The following FGF12 variants were observed in gnomAD, a reference collection of about 807,000 sequenced individuals.
The protein encoded by FGF12 is fibroblast growth factor 12, also known as fibroblast growth factor 12B.
Under a neutral mutation model 23.6 loss-of-function variants are expected in FGF12, and 14 were observed. That is an observed-to-expected ratio of 0.59 (90% CI 0.39 to 0.93). The LOEUF (loss-of-function observed/expected upper bound fraction) is 0.93, where lower values mean the gene tolerates loss of function less well. Ranked by LOEUF, FGF12 falls within the 40% of genes least tolerant of loss-of-function variation. The pLI is 0.00. For synonymous variants in FGF12, 62 were observed against 77.3 expected, an observed-to-expected ratio of 0.80 and a Z score of 1.04; for missense variants, 175 against 217.8, an observed-to-expected ratio of 0.80 and a Z score of 1.24.
At position 192,727,481 on chromosome 3, in the gene FGF12, T is replaced by TTA. The variant is rs1719263854; in HGVS notation, c.-131+2_-131+3insTA. 1.5e-6 allele frequency: 1 copy of TTA among 672,894 alleles called. No homozygotes were observed. The highest frequency in any genetic ancestry group is 1.8e-5 in the African/African-American group (1 of 54,674). 41.7% of individuals were successfully genotyped at this position (672,894 alleles called of 1,614,324 possible). ...GCTCAGATTTTTTTTTTTTTTTTTT[T>TTA]ACCTGGGTCTGGAAGCTGCAGGCAG... is the stretch of plus-strand genomic sequence containing the variant. On this transcript the variant is annotated splice_region_variant and intron_variant, in intron 1 of 5. Transcript: ENST00000445105.
At chr3:192,397,232 T>G (rs1720563735) in intron 2 of FGF12, among the ~76,000 whole-genome samples, 1 of 152,228 alleles carries the variant, frequency 6.6e-6, no homozygotes, top group African/African-American at 2.4e-5. Context: ...GCCACAATGC[T>G]GCCAACTCCT....
rs556861730 is a variant in FGF12, at chr3:192,242,167, G to C, written c.229-71511C>G. ...AATATTGCAATGATTAAAATAAATTGATGAATTAGAAACAAAAGAGTAGGA... is the reference window on the plus strand; with the variant it reads ...AATATTGCAATGATTAAAATAAATTCATGAATTAGAAACAAAAGAGTAGGA... On this transcript the variant is annotated intron_variant, in intron 4 of 5. Transcript: ENST00000445105. Among the ~76,000 whole-genome samples the C allele has an allele frequency of 4.6e-5, 7 of 152,208 alleles. No individual in the cohort carries two copies. The South Asian group carries it at 1.5e-3, about 32-fold the overall frequency.
At chr3:192,410,377 G>T (rs1034837937) in intron 2 of FGF12, among the ~76,000 whole-genome samples, 6 of 152,240 alleles carry the variant, frequency 3.9e-5, no homozygotes, top group Admixed American at 1.3e-4. Flanking sequence ...GAGGCAGAGC[G>T]AGGGAACTGC....
intron 3 of FGF12, among the ~76,000 whole-genome samples, chr3:192,354,218 T>A (rs936434043): frequency 6.6e-6 from 1 of 152,214 alleles, no homozygotes; most frequent in Admixed American, 6.5e-5. Flanking sequence ...CTAATGAAAG[T>A]GTATTTGTAT....
intron 2 of FGF12, among the ~76,000 whole-genome samples, chr3:192,584,788 T>G (rs1040560392): frequency 2.0e-5 from 3 of 152,054 alleles, no homozygotes; most frequent in African/African-American, 7.2e-5. Flanking sequence ...GCTAAGACAT[T>G]TCCTCAGGTC....
At chr3:192,232,752 T>A (rs144413629) in intron 4 of FGF12, among the ~76,000 whole-genome samples, 94 of 152,216 alleles carry the variant, frequency 6.2e-4, no homozygotes, top group Admixed American at 1.1e-3. Flanking sequence ...ATTCTTTGTA[T>A]CCATATGTAC....
chr3:192,499,514 ATATTTTTTTTTTTTTTT>A (rs1450867608), intron 2 of FGF12, among the ~76,000 whole-genome samples: 1 of 43,752 alleles, frequency 2.3e-5, no homozygotes, highest in Non-Finnish European at 3.9e-5. Flanking sequence ...ATATATATAT[ATATTTTTTTTTTTTTTT>A]TTTTTTTTTT....
intron 2 of FGF12, among the ~76,000 whole-genome samples, chr3:192,485,974 C>T (rs73195324): frequency 0.01 from 1,590 of 152,142 alleles, 9 homozygotes; most frequent in Middle Eastern, 0.024. Context: ...ATGCCATATA[C>T]GTGCATATAT....
At chr3:192,250,135 A>G (rs1257971203) in intron 4 of FGF12, among the ~76,000 whole-genome samples, 1 of 152,210 alleles carries the variant, frequency 6.6e-6, no homozygotes, top group Non-Finnish European at 1.5e-5. Context: ...GAATTCAAAT[A>G]ACATTTATAT....
Position 192,392,218 on chromosome 3 carries a change from T to C in FGF12, c.14-31680A>G, listed in dbSNP as rs549070642. The stretch of plus-strand genomic sequence containing the variant: ...GAATTAATATTGGGGAAACATCATT[T>C]TATAATCAGAGTTGACAACATATGT... On this transcript the variant is annotated intron_variant, in intron 2 of 5. Transcript: ENST00000445105. 5.3e-5 allele frequency among the ~76,000 whole-genome samples: 8 copies of C among 152,206 alleles called. No homozygotes were observed. In the South Asian group the frequency reaches 1.7e-3, roughly 32 times the overall value.
chr3:192,479,829 T>C (rs1434026243), intron 2 of FGF12, among the ~76,000 whole-genome samples: 1 of 152,132 alleles, frequency 6.6e-6, no homozygotes, highest in African/African-American at 2.4e-5. Flanking sequence ...TACGGTAACA[T>C]GAGTTAGGCT....
intron 2 of FGF12, among the ~76,000 whole-genome samples, chr3:192,656,280 GACACACACACAC>G (rs61645270): frequency 2.3e-4 from 25 of 110,516 alleles, no homozygotes; most frequent in African/African-American, 7.0e-4. Context: ...AAGGTGAAAA[GACACACACACAC>G]ACACACACAC....
At chr3:192,602,235 A>G (rs111592420) in intron 2 of FGF12, among the ~76,000 whole-genome samples, 2 of 152,224 alleles carry the variant, frequency 1.3e-5, no homozygotes, top group African/African-American at 4.8e-5. Context: ...TTTCTGCTCA[A>G]TTTTCCTGAG....
chr3:192,378,087 T>TTTCTTTCTTTCC (rs1719641096), intron 2 of FGF12, among the ~76,000 whole-genome samples: 6 of 123,498 alleles, frequency 4.9e-5, no homozygotes, highest in Non-Finnish European at 8.3e-5. Context: ...TCTTTCTTTC[T>TTTCTTTCTTTCC]TTCTTTCTTC....
chr3:192,573,503 A>C (rs1348802989), intron 2 of FGF12, among the ~76,000 whole-genome samples: 1 of 152,082 alleles, frequency 6.6e-6, no homozygotes. Context: ...AGAAATTCCT[A>C]CCTGAAGGCC....
chr3:192,339,701 C>G (rs1267922805), intron 3 of FGF12, among the ~76,000 whole-genome samples: 1 of 152,140 alleles, frequency 6.6e-6, no homozygotes, highest in East Asian at 1.9e-4. Context: ...TTGCCCAAAA[C>G]CCTTCAGAAA....
chr3:192,556,656 A>G (rs1471374822), intron 2 of FGF12, among the ~76,000 whole-genome samples: 1 of 152,154 alleles, frequency 6.6e-6, no homozygotes, highest in Non-Finnish European at 1.5e-5. Context: ...GAGCAATTCT[A>G]TTTATCAAAT....
chr3:192,274,019 C>T (rs547520184), intron 4 of FGF12, among the ~76,000 whole-genome samples: 296 of 152,156 alleles, frequency 1.9e-3, no homozygotes, highest in African/African-American at 6.7e-3. Flanking sequence ...TTTTTACAAA[C>T]ATAAAACCTA....
At chr3:192,446,098 C>T (rs1380806241) in intron 2 of FGF12, among the ~76,000 whole-genome samples, 2 of 152,180 alleles carry the variant, frequency 1.3e-5, no homozygotes, top group African/African-American at 4.8e-5. Context: ...ACATGGGAGA[C>T]ATCTGTCTCG....
Sources: gnomAD v4.1 joint callset for allele counts (sites outside exome capture counted in the v4.1 genomes callset) on GRCh38, gnomAD v4.1.1 for gene constraint, MANE v1.5 for transcripts, NCBI Gene and HGNC (gene_info 2026-07-23, HGNC 2026-07-21) for gene names.